LRP4: variants seen among roughly 807,000 people sequenced by gnomAD.
The protein encoded by LRP4 is LDL receptor related protein 4, also known as low-density lipoprotein receptor-related protein 4.
In LRP4, 95 loss-of-function variants were observed where a neutral mutation model predicts 220.3. The ratio of observed to expected loss-of-function variants is 0.43; its 90% CI spans 0.37 to 0.51. LRP4 has a LOEUF of 0.51. Among genes scored for constraint, LRP4 ranks in the 20% least tolerant of loss-of-function variants. The probability of loss-of-function intolerance (pLI) is 0.00; values close to 1 mark genes in which losing one functional copy is unlikely to be tolerated. For synonymous variants in LRP4, 903 were observed against 954.6 expected (o/e 0.95, Z 1.00); for missense variants, 1,925 against 2,567.0 (o/e 0.75, Z 5.40).
At chr11:46,879,738 G>A (rs1427297162) in intron 20 of LRP4, among the ~76,000 whole-genome samples, 1 of 152,226 alleles carries the variant, frequency 6.6e-6, no homozygotes, top group Non-Finnish European at 1.5e-5. Context: ...TTCACTTAGT[G>A]TAGTATTCCT....
chr11:46,865,278 G>A lies in LRP4; in HGVS notation c.5088-92C>T, dbSNP rs866804040. 171 of 853,462 alleles carry A rather than the reference G, an allele frequency of 2.0e-4. 4 individuals carry two copies. In the Middle Eastern group the frequency reaches 4.1e-3, roughly 20 times the overall value. The allele number at this position is 853,462 out of a possible 1,614,324, so 52.9% of individuals were successfully genotyped here. A position where few individuals can be genotyped will look rare whatever the true frequency, so the allele number is the denominator to read the frequency against. On this transcript the variant is annotated intron_variant, in intron 34 of 37. Coordinates refer to ENST00000378623, the MANE Select transcript of LRP4 (RefSeq NM_002334.4). ...GAAAGGGGGAAAGGCCTGTAAGTGG[G>A]GGCTTTCAGGTATGAGAATGTACAA...
At chr11:46,904,975 CAAAAAAAAA>C (rs10589238) in intron 1 of LRP4, among the ~76,000 whole-genome samples, 9 of 44,278 alleles carry the variant, frequency 2.0e-4, no homozygotes, top group African/African-American at 3.5e-4. Context: ...GACCTTGTCT[CAAAAAAAAA>C]AAAAAAAAAA....
intron 1 of LRP4, among the ~76,000 whole-genome samples, chr11:46,907,154 G>C (rs1333488824): frequency 2.6e-5 from 4 of 152,216 alleles, no homozygotes; most frequent in Non-Finnish European, 2.9e-5. Context: ...TTCATTTTAA[G>C]AAGTGTTGAA....
At chr11:46,880,530 G>A (rs1416727369) in intron 20 of LRP4, among the ~76,000 whole-genome samples, 1 of 152,132 alleles carries the variant, frequency 6.6e-6, no homozygotes, top group African/African-American at 2.4e-5. Context: ...CCAGCTACGT[G>A]GGAGGATCCC....
intron 34 of LRP4, among the ~76,000 whole-genome samples, chr11:46,865,473 T>C (rs1422429281): frequency 6.6e-6 from 1 of 152,230 alleles, no homozygotes; most frequent in African/African-American, 2.4e-5. Context: ...GAAAGAATAC[T>C]AAGGACATCA....
intron 6 of LRP4, 30 bp downstream of exon 6, chr11:46,898,874 C>T (rs1448520779): frequency 6.2e-7 from 1 of 1,613,636 alleles, no homozygotes; most frequent in South Asian, 1.1e-5. Flanking sequence ...AGCCTGGCCT[C>T]CCCACCTCCC....
chr11:46,860,676 T>C (rs2134754614), intron 37 of LRP4, among the ~76,000 whole-genome samples: 1 of 152,316 alleles, frequency 6.6e-6, no homozygotes, highest in South Asian at 2.1e-4. Flanking sequence ...TTGATGATTA[T>C]ACAATATAAA....
intron 7 of LRP4, among the ~76,000 whole-genome samples, chr11:46,898,171 G>A (rs1328053295): frequency 1.3e-5 from 2 of 152,022 alleles, no homozygotes; most frequent in East Asian, 3.9e-4. Context: ...CCCAGTAGGG[G>A]CGGCCAGGCA....
chr11:46,898,981 T>C lies in LRP4; in HGVS notation c.599A>G (p.Tyr200Cys), dbSNP rs1320138389. The C allele has an allele frequency of 6.8e-6, 11 of 1,613,600 alleles. 1 individual carries two copies. The highest frequency in any genetic ancestry group is 7.6e-6 in the Non-Finnish European group (9 of 1,179,980). Residue 200 changes from tyrosine (Y) to cysteine (C), a missense_variant, in exon 6 of 38, where the codon TAT becomes TGT. Tyr to Cys is a radical substitution (Grantham distance 194). This residue lies in a region of LRP4 where 412 missense variants were observed against 505.4 expected (regional missense o/e 0.82). Transcript: ENST00000378623. ...PCNLEEFQCAYGRCILDIYHC... is the reference protein window; with the variant it reads ...PCNLEEFQCACGRCILDIYHC... ...GTAGATGTCGAGGATGCAGCGTCCA[T>C]AGGCACACTGGAACTCCTCCAGGTT...
In LRP4 at chr11:46,904,900, C is replaced by T. The variant is rs567433874; in HGVS notation, c.53-1971G>A. On this transcript the variant is annotated intron_variant, in intron 1 of 37. Transcript: ENST00000378623. ...ATGATGTGGGAGAATCACTTGAGCCCGGGAGGTTGAGGCTGCAGTGAGCCA... is the reference window on the plus strand; with the variant it reads ...ATGATGTGGGAGAATCACTTGAGCCTGGGAGGTTGAGGCTGCAGTGAGCCA... Among the ~76,000 whole-genome samples, 9 of 148,966 alleles carry T rather than the reference C, an allele frequency of 6.0e-5. 1 individual carries two copies. The highest frequency in any genetic ancestry group is 2.0e-4 in the African/African-American group (8 of 40,326).
intron 34 of LRP4, among the ~76,000 whole-genome samples, chr11:46,865,794 C>G (rs773228134): frequency 1.3e-5 from 2 of 152,192 alleles, no homozygotes; most frequent in Non-Finnish European, 2.9e-5. Context: ...TCAAATAGAA[C>G]TCTGACAATA....
At position 46,899,953 on chromosome 11, in the gene LRP4, C is replaced by A; in HGVS notation, c.340G>T (p.Glu114Ter). Residue 114 changes from glutamate (E) to a stop codon, truncating the protein, a stop_gained, in exon 4 of 38, where the codon GAG (glutamate) becomes TAG (stop). Transcript: ENST00000378623. LOFTEE classifies it high-confidence loss of function. This position sits in a 1 kb window ranked among gnomAD's most constrained non-coding sequence, Gnocchi z 5.9. ...DCPPRECEED[E>*]FPCQNGYCIR... Reference sequence around the variant, plus strand: ...CAGTAGCCATTCTGGCAGGGAAACTCGTCCTCCTCACACTCCCGGGGGGCT... The same window carrying A: ...CAGTAGCCATTCTGGCAGGGAAACTAGTCCTCCTCACACTCCCGGGGGGCT... 1 of 1,613,776 alleles carries A rather than the reference C, an allele frequency of 6.2e-7. No homozygotes were observed. Among genetic ancestry groups the A allele is most frequent in the Non-Finnish European group, 8.5e-7 (1 of 1,179,978 alleles).
Position 46,902,947 on chromosome 11 carries a change from G to C in LRP4, c.53-18C>G, listed in dbSNP as rs1941695481. On this transcript the variant is annotated intron_variant, in intron 1 of 37. Transcript: ENST00000378623. ...GGCCAGGCCTGGGCGGAGGGAAAAG[G>C]AATCAGTGAGGGCTCAGCTCCCACT... The C allele has an allele frequency of 1.2e-6, 2 of 1,613,688 alleles. No homozygotes were observed. Among genetic ancestry groups the C allele is most frequent in the Non-Finnish European group, 1.7e-6 (2 of 1,180,046 alleles).
rs1439322761 is a variant in LRP4, at chr11:46,858,706, C to T, written c.*277G>A. On this transcript the variant is annotated 3_prime_UTR_variant, in exon 38 of 38. Transcript: ENST00000378623. Reference sequence around the variant, plus strand: ...GGAGCTCTACGCTGGTGAGGAATCACGAATAAGCAGTTTCAGGGGGCCCAG... The same window carrying T: ...GGAGCTCTACGCTGGTGAGGAATCATGAATAAGCAGTTTCAGGGGGCCCAG... The T allele has an allele frequency of 1.3e-5, 6 of 477,182 alleles. No individual in the cohort carries two copies. Among genetic ancestry groups the T allele is most frequent in the South Asian group, 2.0e-5 (1 of 49,576 alleles). 29.6% of individuals were successfully genotyped at this position (477,182 alleles called of 1,614,324 possible). A position where few individuals can be genotyped will look rare whatever the true frequency, so the allele number is the denominator to read the frequency against.
At chr11:46,901,300 T>G (rs980631605) in intron 2 of LRP4, among the ~76,000 whole-genome samples, 3 of 152,150 alleles carry the variant, frequency 2.0e-5, no homozygotes, top group Non-Finnish European at 4.4e-5. Flanking sequence ...GAAGCGCCTT[T>G]TTCCCCTCCT....
Position 46,868,092 on chromosome 11 carries a change from A to C in LRP4, c.4974T>G (p.Ala1658=). The C allele has an allele frequency of 6.2e-7, 1 of 1,614,146 alleles. No homozygotes were observed. The highest frequency in any genetic ancestry group is 8.5e-7 in the Non-Finnish European group (1 of 1,180,034). Residue 1658 remains alanine, a synonymous_variant, in exon 34 of 38, where the codon GCT becomes GCG. Transcript: ENST00000378623. ...TTTCACTCATGCCAGTAGCCCTAGG[A>C]GCTGGTGGTACCAGGCCAGGCACTA... The part of the protein sequence containing the change: ...CSLVPGLVPP[A]PRATGMSEKS...
intron 37 of LRP4, among the ~76,000 whole-genome samples, chr11:46,859,954 G>A (rs1940497300): frequency 6.6e-6 from 1 of 152,066 alleles, no homozygotes; most frequent in African/African-American, 2.4e-5. Context: ...CTCTTATCTG[G>A]CCGGGCGTGG....
chr11:46,859,429 T>C (rs1354886195), intron 37 of LRP4, 114 bp from the exon 38 acceptor site: 1 of 790,680 alleles, frequency 1.3e-6, no homozygotes, highest in African/African-American at 1.7e-5. Context: ...CGCACAAAAA[T>C]CCCACAAACA....
rs144639401 is a variant in LRP4, at chr11:46,876,612, C to T, written c.3390G>A (p.Ala1130=). Residue 1130 remains alanine (A), a synonymous_variant, in exon 25 of 38, where the codon GCG becomes GCA. Coordinates refer to ENST00000378623, the MANE Select transcript of LRP4 (RefSeq NM_002334.4). ...TTGLQTTDGL[A]VDAIGRKVYW... ...ATACTTTCCGGCCAATGGCATCAAC[C>T]GCGAGCCCATCTGTGGTCTGTAGCC... 200 of 1,614,174 alleles carry T rather than the reference C, an allele frequency of 1.2e-4. No homozygotes were observed. In the African/African-American group the frequency reaches 2.0e-3, roughly 16 times the overall value.
Sources: gnomAD v4.1 joint callset for allele counts (sites outside exome capture counted in the v4.1 genomes callset) on GRCh38, gnomAD v4.1.1 for gene constraint, gnomAD v4.1.1 regional missense constraint, Gnocchi (gnomAD v3.1) non-coding constraint, MANE v1.5 for transcripts, NCBI Gene and HGNC (gene_info 2026-07-23, HGNC 2026-07-21) for gene names.